Variants in GPC5 observed in about 807,000 individuals in gnomAD.
GPC5 encodes glypican-5.
In GPC5, 47 loss-of-function variants were observed where a neutral mutation model predicts 53.9. The ratio of observed to expected loss-of-function variants is 0.87; its 90% CI spans 0.69 to 1.11. GPC5 has a LOEUF of 1.11. Among genes scored for constraint, GPC5 ranks in the 50% most tolerant of loss-of-function variants. GPC5 has a pLI of 0.00. For synonymous variants in GPC5, 286 were observed against 263.3 expected (o/e 1.09, Z -0.84); for missense variants, 748 against 713.1 (o/e 1.05, Z -0.56).
intron 7 of GPC5, among the ~76,000 whole-genome samples, chr13:92,415,716 A>G (rs1876258332): frequency 6.6e-6 from 1 of 152,048 alleles, no homozygotes; most frequent in South Asian, 2.1e-4. Flanking sequence ...GAATGATAAT[A>G]TAAGTCATTG....
chr13:92,537,039 T>C (rs1032314299), intron 7 of GPC5, among the ~76,000 whole-genome samples: 8 of 152,102 alleles, frequency 5.3e-5, no homozygotes, highest in African/African-American at 1.7e-4. Context: ...CTCCTTGTTT[T>C]TAGCTTACAA....
chr13:92,046,957 AAAGCAC>A (rs1189109026), intron 6 of GPC5, among the ~76,000 whole-genome samples: 1 of 152,220 alleles, frequency 6.6e-6, no homozygotes, highest in Non-Finnish European at 1.5e-5. Flanking sequence ...GTAATATTCA[AAAGCAC>A]TTTTGGGGTC....
At chr13:91,544,601 T>C (rs551518550) in intron 2 of GPC5, among the ~76,000 whole-genome samples, 3 of 152,346 alleles carry the variant, frequency 2.0e-5, no homozygotes, top group African/African-American at 7.2e-5. Flanking sequence ...CATCTGAAAT[T>C]CTTCTTTTTT....
rs563270035 is a variant in GPC5, at chr13:91,816,594, CAATTTT to C, written c.1280+60175_1280+60180del. 3.4e-3 allele frequency among the ~76,000 whole-genome samples: 514 copies of C among 152,254 alleles called. 2 individuals carry two copies. The highest frequency in any genetic ancestry group is 0.012 in the African/African-American group (489 of 41,532). On this transcript the variant is annotated intron_variant, in intron 5 of 7. Transcript: ENST00000377067. ...CTGTTTCCTGGATCATATTTTATTA[CAATTTT>C]TATTTATAGTATGTCTTTGCAAGAA...
chr13:92,546,693 A>G (rs9589575), intron 7 of GPC5, among the ~76,000 whole-genome samples: 5,186 of 152,296 alleles, frequency 0.034, 248 homozygotes, highest in African/African-American at 0.1. Flanking sequence ...GAAACAAAAA[A>G]GAGCCCACAT....
chr13:92,524,441 C>G (rs892249322), intron 7 of GPC5, among the ~76,000 whole-genome samples: 1 of 152,066 alleles, frequency 6.6e-6, no homozygotes, highest in African/African-American at 2.4e-5. Context: ...TCAGTACAGA[C>G]AGAATATTTT....
chr13:92,330,781 A>C (rs2043282873), intron 7 of GPC5, among the ~76,000 whole-genome samples: 1 of 152,198 alleles, frequency 6.6e-6, no homozygotes, highest in Admixed American at 6.6e-5. Context: ...CACCTCTTGC[A>C]GAACACAGAG....
rs71123419 is a variant in GPC5 at position 92,628,264 on chromosome 13, C to CTTTTTTTTTTTTTTTTTTTTTT, written c.1562-238010_1562-237989dup. On this transcript the variant is annotated intron_variant, in intron 7 of 7. Transcript: ENST00000377067. Reference sequence around the variant, plus strand: ...TTTTCTTTTCTTTTTCTTTTTCTTTCTTTTTTTTTTTTTTTTTTTTTTTTT... The same window carrying CTTTTTTTTTTTTTTTTTTTTTT: ...TTTTCTTTTCTTTTTCTTTTTCTTTCTTTTTTTTTTTTTTTTTTTTTTTTTTTTTTTTTTTTTTTTTTTTTTT... Among the ~76,000 whole-genome samples, 224 of 45,368 alleles carry CTTTTTTTTTTTTTTTTTTTTTT rather than the reference C, an allele frequency of 4.9e-3. 45 individuals are homozygous for CTTTTTTTTTTTTTTTTTTTTTT. Among genetic ancestry groups the CTTTTTTTTTTTTTTTTTTTTTT allele is most frequent in the Non-Finnish European group, 7.4e-3 (171 of 23,126 alleles). 29.8% of individuals were successfully genotyped at this position (45,368 alleles called of 152,430 possible).
chr13:92,560,855 A>T (rs1362489543), intron 7 of GPC5, among the ~76,000 whole-genome samples: 1 of 86,674 alleles, frequency 1.2e-5, no homozygotes, highest in African/African-American at 3.3e-5. Context: ...ATAGAAAATT[A>T]TATGTGTGTG....
intron 6 of GPC5, among the ~76,000 whole-genome samples, chr13:92,044,931 T>G (rs1270674116): frequency 1.3e-5 from 2 of 152,152 alleles, no homozygotes; most frequent in Non-Finnish European, 2.9e-5. Flanking sequence ...CTATCATTAG[T>G]GTATTTATTT....
intron 1 of GPC5, among the ~76,000 whole-genome samples, chr13:91,414,387 C>T (rs773292316): frequency 9.9e-5 from 15 of 152,212 alleles, no homozygotes; most frequent in Non-Finnish European, 1.6e-4. Context: ...CTATGCAGAA[C>T]GGAGTCAGTT....
chr13:91,463,703 C>G (rs1212396723), intron 2 of GPC5, among the ~76,000 whole-genome samples: 1 of 152,024 alleles, frequency 6.6e-6, no homozygotes, highest in South Asian at 2.1e-4. Flanking sequence ...TCCTTTTCAA[C>G]AAACTGTGTT....
intron 7 of GPC5, among the ~76,000 whole-genome samples, chr13:92,421,698 C>CAAAATAA (rs1876573866): frequency 1.4e-5 from 1 of 69,508 alleles, no homozygotes; most frequent in African/African-American, 6.3e-5. Flanking sequence ...GACTCCGTCT[C>CAAAATAA]AAAAAAAAAA....
intron 7 of GPC5, among the ~76,000 whole-genome samples, chr13:92,243,453 A>G (rs2042628318): frequency 6.6e-6 from 1 of 152,182 alleles, no homozygotes; most frequent in African/African-American, 2.4e-5. Context: ...AGTCTAGGAC[A>G]GAGGCGTGAG....
intron 7 of GPC5, chr13:92,241,672 A>G (rs2042612518): frequency 6.6e-6 from 1 of 152,122 alleles, no homozygotes; most frequent in Admixed American, 6.5e-5. Context: ...CTTACAAGTG[A>G]GTTTTGATAT....
At chr13:92,031,830 T>C (rs1301832424) in intron 6 of GPC5, among the ~76,000 whole-genome samples, 4 of 108,682 alleles carry the variant, frequency 3.7e-5, no homozygotes, top group Non-Finnish European at 5.1e-5. Flanking sequence ...TTATATATAA[T>C]ATATAATATA....
intron 7 of GPC5, among the ~76,000 whole-genome samples, chr13:92,833,133 T>C (rs1488168063): frequency 6.6e-6 from 1 of 152,220 alleles, no homozygotes; most frequent in Non-Finnish European, 1.5e-5. Context: ...AATGTATTCC[T>C]TTGAAACCTA....
intron 7 of GPC5, among the ~76,000 whole-genome samples, chr13:92,758,994 G>T (rs1374200221): frequency 7.1e-5 from 5 of 70,576 alleles, no homozygotes; most frequent in Admixed American, 2.1e-4. Context: ...TCCCATTGCG[G>T]TTTTTTTTTT....
At chr13:92,538,936 C>T (rs1881826227) in intron 7 of GPC5, among the ~76,000 whole-genome samples, 2 of 62,892 alleles carry the variant, frequency 3.2e-5, no homozygotes, top group Admixed American at 1.9e-4. Flanking sequence ...ATATATATAC[C>T]TTGTATATAT....
Sources: gnomAD v4.1 joint callset for allele counts (sites outside exome capture counted in the v4.1 genomes callset) on GRCh38, gnomAD v4.1.1 for gene constraint, MANE v1.5 for transcripts, NCBI Gene and HGNC (gene_info 2026-07-23, HGNC 2026-07-21) for gene names.